DENND1B: variants seen among roughly 807,000 people sequenced by gnomAD.
DENND1B encodes DENN domain-containing protein 1B.
DENND1B carries 59 observed loss-of-function variants against 90.1 expected under a neutral mutation model. The observed-to-expected ratio is 0.65, with a 90% CI of 0.53 to 0.81. The LOEUF (loss-of-function observed/expected upper bound fraction) is 0.81, where lower values mean the gene tolerates loss of function less well. Ranked by LOEUF, DENND1B falls within the 40% of genes least tolerant of loss-of-function variation. The probability of loss-of-function intolerance (pLI) is 0.00; values close to 1 mark genes in which losing one functional copy is unlikely to be tolerated. For missense variants in DENND1B, 862 were observed against 912.6 expected (o/e 0.94, Z 0.71); for synonymous variants, 337 against 324.6 (o/e 1.04, Z -0.41).
intron 15 of DENND1B, among the ~76,000 whole-genome samples, chr1:197,560,203 C>A (rs1261950699): frequency 6.6e-6 from 1 of 151,880 alleles, no homozygotes; most frequent in Non-Finnish European, 1.5e-5. Context: ...ACCTTATGAT[C>A]ACCAGACCAA....
chr1:197,528,986 G>A (rs1260798692), intron 20 of DENND1B, among the ~76,000 whole-genome samples: 2 of 151,784 alleles, frequency 1.3e-5, no homozygotes, highest in African/African-American at 4.8e-5. Context: ...TGGTCTAATA[G>A]TAGAAATTAT....
chr1:197,580,638 G>T (rs1022756003), intron 15 of DENND1B, among the ~76,000 whole-genome samples: 2 of 152,080 alleles, frequency 1.3e-5, no homozygotes, highest in African/African-American at 4.8e-5. Flanking sequence ...AAATTTCTGT[G>T]CAGACTGACA....
At chr1:197,706,170 T>G (rs1482451477) in intron 3 of DENND1B, among the ~76,000 whole-genome samples, 1 of 152,208 alleles carries the variant, frequency 6.6e-6, no homozygotes, top group East Asian at 1.9e-4. Context: ...ATAGCTAAGT[T>G]TGTGTATTCT....
At chr1:197,527,316 T>G (rs1244453916) in intron 20 of DENND1B, among the ~76,000 whole-genome samples, 2 of 150,964 alleles carry the variant, frequency 1.3e-5, no homozygotes, top group Non-Finnish European at 3.0e-5. Flanking sequence ...TTTTTTGTTT[T>G]TGTTTTTTTT....
At chr1:197,667,457 G>C (rs1437583438) in intron 5 of DENND1B, among the ~76,000 whole-genome samples, 4 of 151,762 alleles carry the variant, frequency 2.6e-5, no homozygotes, top group Non-Finnish European at 5.9e-5. Context: ...TTCCGAGACA[G>C]AGTCTCTCTG....
intron 2 of DENND1B, among the ~76,000 whole-genome samples, chr1:197,744,178 A>T (rs1308679782): frequency 6.6e-6 from 1 of 152,022 alleles, no homozygotes; most frequent in African/African-American, 2.4e-5. Flanking sequence ...CGATATTTTG[A>T]CCTCCTCCCA....
chr1:197,527,834 T>G (rs1669258305), intron 20 of DENND1B, among the ~76,000 whole-genome samples: 1 of 152,206 alleles, frequency 6.6e-6, no homozygotes, highest in Non-Finnish European at 1.5e-5. Context: ...ACTTTTTTTT[T>G]GGTCAAAAGT....
intron 13 of DENND1B, 45 bp downstream of exon 13, chr1:197,607,028 A>T: frequency 1.4e-6 from 2 of 1,412,072 alleles, no homozygotes; most frequent in South Asian, 1.2e-5. Context: ...TCAGAGGTCC[A>T]GGAGAAAACA....
upstream of DENND1B, among the ~76,000 whole-genome samples, chr1:197,777,596 A>G (rs1657330987): frequency 6.6e-6 from 1 of 152,202 alleles, no homozygotes; most frequent in Admixed American, 6.5e-5. Flanking sequence ...CTCATTTCAT[A>G]TAGAACTTCC....
intron 20 of DENND1B, among the ~76,000 whole-genome samples, chr1:197,525,239 C>T (rs775665911): frequency 1.3e-5 from 2 of 152,078 alleles, no homozygotes; most frequent in Non-Finnish European, 2.9e-5. Flanking sequence ...TTTTAAAATA[C>T]ATTGTTTCAT....
chr1:197,680,643 G>C (rs1656587909), intron 3 of DENND1B, among the ~76,000 whole-genome samples: 2 of 152,058 alleles, frequency 1.3e-5, no homozygotes, highest in Non-Finnish European at 2.9e-5. Flanking sequence ...ACATTTTAAA[G>C]TATGTGTTTT....
chr1:197,580,421 G>A (rs4915554), intron 15 of DENND1B, among the ~76,000 whole-genome samples: 23,981 of 151,560 alleles, frequency 0.16, 2,168 homozygotes, highest in Non-Finnish European at 0.2. Context: ...GAGTCACTGC[G>A]CCTGGCCCTT....
chr1:197,774,713 G>A (rs1031091640), intron 1 of DENND1B: 1 of 155,528 alleles, frequency 6.4e-6, no homozygotes, highest in African/African-American at 2.4e-5. Context: ...GAGAGCACTC[G>A]GAATAATAAC....
intron 20 of DENND1B, among the ~76,000 whole-genome samples, chr1:197,517,163 G>A (rs2125603798): frequency 6.6e-6 from 1 of 152,000 alleles, no homozygotes; most frequent in Admixed American, 6.6e-5. Flanking sequence ...TAGCATGAAT[G>A]AGGATGTGCT....
chr1:197,778,931 T>C (rs1482517073), upstream of DENND1B, among the ~76,000 whole-genome samples: 1 of 152,108 alleles, frequency 6.6e-6, no homozygotes, highest in Non-Finnish European at 1.5e-5. Flanking sequence ...AAAGCCAGAG[T>C]TCACAAGGAT....
At position 197,583,387 on chromosome 1, in the gene DENND1B, T is replaced by C. The variant is rs919714696; in HGVS notation, c.1048-134A>G. On this transcript the variant is annotated intron_variant, in intron 14 of 22. Transcript: ENST00000620048. ...GCAACAGACCCTTCCTTACACAGAA[T>C]AGTTTAGGCTAGTAGAAATATTCCT... 16 of 677,838 alleles carry C rather than the reference T, an allele frequency of 2.4e-5. No individual in the cohort carries two copies. The Admixed American group carries it at 4.6e-4, about 19-fold the overall frequency. The allele number at this position is 677,838 out of a possible 1,614,324, so 42.0% of individuals were successfully genotyped here.
At position 197,672,030 on chromosome 1, in the gene DENND1B, T is replaced by C. The variant is rs752497752; in HGVS notation, c.296+7A>G. The C allele has an allele frequency of 1.2e-6, 2 of 1,609,428 alleles. No homozygotes were observed. Among genetic ancestry groups the C allele is most frequent in the Middle Eastern group, 1.7e-4 (1 of 6,036 alleles). On this transcript the variant is annotated splice_region_variant and intron_variant, in intron 5 of 22. Transcript: ENST00000620048. Reference sequence around the variant, plus strand: ...TGCATCTAATTTTTTTTACTACAAATACTCACCTAAGGATGCATAAACAAA... The same window carrying C: ...TGCATCTAATTTTTTTTACTACAAACACTCACCTAAGGATGCATAAACAAA...
At chr1:197,734,103 A>C in intron 2 of DENND1B, 1 of 963,222 alleles carries the variant, frequency 1.0e-6, no homozygotes, top group Non-Finnish European at 1.2e-6. Context: ...CCCAATCAAA[A>C]TGCAGAAGTC....
intron 5 of DENND1B, among the ~76,000 whole-genome samples, chr1:197,664,345 ATAAC>A (rs1654723787): frequency 6.6e-6 from 1 of 152,132 alleles, no homozygotes; most frequent in East Asian, 1.9e-4. Context: ...TGAACAAAGA[ATAAC>A]TGTGACTCTC....
Sources: gnomAD v4.1 joint callset for allele counts (sites outside exome capture counted in the v4.1 genomes callset) on GRCh38, gnomAD v4.1.1 for gene constraint, MANE v1.5 for transcripts, NCBI Gene and HGNC (gene_info 2026-07-23, HGNC 2026-07-21) for gene names.